Variants in CCNY observed in about 807,000 individuals in gnomAD.
CCNY encodes cyclin Y.
CCNY carries 19 observed loss-of-function variants against 42.8 expected under a neutral mutation model. The ratio of observed to expected loss-of-function variants is 0.44; its 90% CI spans 0.31 to 0.65. The LOEUF (loss-of-function observed/expected upper bound fraction) is 0.65, where lower values mean the gene tolerates loss of function less well. Ranked by LOEUF, CCNY falls within the 30% of genes least tolerant of loss-of-function variation. The probability of loss-of-function intolerance (pLI) is 0.07; values close to 1 mark genes in which losing one functional copy is unlikely to be tolerated. For missense variants in CCNY, 370 were observed against 437.3 expected, an observed-to-expected ratio of 0.85 and a Z score of 1.37; for synonymous variants, 165 against 162.7, an observed-to-expected ratio of 1.01 and a Z score of -0.11.
chr10:35,475,593 G>C (rs1589145191), intron 1 of CCNY, among the ~76,000 whole-genome samples: 1 of 149,492 alleles, frequency 6.7e-6, no homozygotes, highest in African/African-American at 2.5e-5. Flanking sequence ...AATGCTGAGA[G>C]ATTTTGTCAC....
chr10:35,378,892 G>A (rs1324315049), intron 1 of CCNY, among the ~76,000 whole-genome samples: 1 of 152,150 alleles, frequency 6.6e-6, no homozygotes, highest in Non-Finnish European at 1.5e-5. Flanking sequence ...AACTTATGCT[G>A]GTTTGTTTGC....
intron 1 of CCNY, among the ~76,000 whole-genome samples, chr10:35,436,658 A>C (rs1445184374): frequency 6.6e-6 from 1 of 152,204 alleles, no homozygotes; most frequent in Non-Finnish European, 1.5e-5. Flanking sequence ...GAGATCCTTA[A>C]ATACGTTACC....
chr10:35,281,113 A>G (rs1194404198), intron 3 of CCNY, among the ~76,000 whole-genome samples: 1 of 152,046 alleles, frequency 6.6e-6, no homozygotes, highest in Non-Finnish European at 1.5e-5. Context: ...GAATGTGGAG[A>G]AATTGGAACC....
chr10:35,421,961 A>G (rs1277240483), intron 1 of CCNY, among the ~76,000 whole-genome samples: 1 of 152,152 alleles, frequency 6.6e-6, no homozygotes, highest in Non-Finnish European at 1.5e-5. Context: ...CAGAGGGGAA[A>G]CTGAAGCACA....
intron 3 of CCNY, among the ~76,000 whole-genome samples, chr10:35,513,321 ACT>A (rs767194888): frequency 6.6e-6 from 1 of 152,144 alleles, no homozygotes; most frequent in Admixed American, 6.5e-5. Flanking sequence ...TTCGTGGTTA[ACT>A]CTGTAGTATC....
At chr10:35,346,629 A>G (rs1160615989) in intron 1 of CCNY, among the ~76,000 whole-genome samples, 1 of 152,074 alleles carries the variant, frequency 6.6e-6, no homozygotes, top group Non-Finnish European at 1.5e-5. Flanking sequence ...CATTCTATAC[A>G]TTAGGTTTTA....
intron 1 of CCNY, among the ~76,000 whole-genome samples, chr10:35,412,859 TCAAAAAA>T (rs1231111748): frequency 5.1e-5 from 2 of 38,866 alleles, no homozygotes; most frequent in East Asian, 1.1e-3. Context: ...AGACTCTGTC[TCAAAAAA>T]AAAAAAAAAA....
intron 3 of CCNY, among the ~76,000 whole-genome samples, chr10:35,299,559 T>C (rs1835509216): frequency 6.6e-6 from 1 of 152,212 alleles, no homozygotes; most frequent in Admixed American, 6.5e-5. Context: ...TAAAGTGTGT[T>C]TTGCCAGAAA....
intron 9 of CCNY, among the ~76,000 whole-genome samples, chr10:35,567,472 C>T (rs1473385923): frequency 6.6e-6 from 1 of 152,204 alleles, no homozygotes; most frequent in Non-Finnish European, 1.5e-5. Flanking sequence ...TCCTCTGCAC[C>T]TTTTTTCCCA....
intron 3 of CCNY, among the ~76,000 whole-genome samples, chr10:35,329,830 T>C (rs1262453343): frequency 1.3e-5 from 2 of 152,164 alleles, no homozygotes; most frequent in African/African-American, 2.4e-5. Flanking sequence ...GCTGGGTTTT[T>C]AGTTAAAAAC....
chr10:35,530,043 G>C lies in CCNY; in HGVS notation c.459+13G>C, dbSNP rs201758272. On this transcript the variant is annotated intron_variant, in intron 6 of 9. Transcript: ENST00000374704. The surrounding 1 kb of genome is among the most constrained non-coding windows in gnomAD (Gnocchi z 4.3). Reference sequence around the variant, plus strand: ...TCACCCTCTTTCGGTAATCTCCTCCGTGTGTTTCATGAGATGATTTAATTA... The same window carrying C: ...TCACCCTCTTTCGGTAATCTCCTCCCTGTGTTTCATGAGATGATTTAATTA... 3 of 1,613,852 alleles carry C rather than the reference G, an allele frequency of 1.9e-6. No homozygotes were observed. Among genetic ancestry groups the C allele is most frequent in the Admixed American group, 1.7e-5 (1 of 59,992 alleles).
At chr10:35,362,888 C>T (rs1187092536) in intron 1 of CCNY, among the ~76,000 whole-genome samples, 2 of 150,570 alleles carry the variant, frequency 1.3e-5, no homozygotes, top group East Asian at 2.0e-4. Context: ...AGAGGTACTC[C>T]TTGCTTCCCA....
intron 3 of CCNY, among the ~76,000 whole-genome samples, chr10:35,510,076 C>G (rs574731733): frequency 2.6e-5 from 4 of 152,088 alleles, no homozygotes; most frequent in Non-Finnish European, 5.9e-5. Context: ...CAAAACCTGC[C>G]TCCTCTATCA....
chr10:35,362,293 A>T (rs535922542), intron 1 of CCNY, among the ~76,000 whole-genome samples: 1 of 152,384 alleles, frequency 6.6e-6, no homozygotes, highest in Admixed American at 6.5e-5. Context: ...TAAGATGTGC[A>T]AGGTGGAACA....
In CCNY at chr10:35,494,238, C is replaced by CCG. The variant is rs1554794893; in HGVS notation, c.230-7262_230-7261insGC. On this transcript the variant is annotated intron_variant, in intron 2 of 9. Coordinates refer to ENST00000374704, the MANE Select transcript of CCNY (RefSeq NM_145012.6). ...CAGCCTGGACAGCATAGTGAGACCC[C>CCG]CCCCCCCATTTCTACAAAAAAATAA... is the stretch of plus-strand genomic sequence containing the variant. 4.3e-5 allele frequency among the ~76,000 whole-genome samples: 6 copies of CCG among 141,020 alleles called. 1 individual carries two copies. Among genetic ancestry groups the CCG allele is most frequent in the Non-Finnish European group, 9.4e-5 (6 of 63,980 alleles). 92.5% of individuals were successfully genotyped at this position (141,020 alleles called of 152,430 possible). A position where few individuals can be genotyped will look rare whatever the true frequency, so the allele number is the denominator to read the frequency against.
At chr10:35,526,672 T>TG (rs1399819370) in intron 5 of CCNY, among the ~76,000 whole-genome samples, 1 of 150,560 alleles carries the variant, frequency 6.6e-6, no homozygotes, top group African/African-American at 2.4e-5. Context: ...TTTCCAAGTT[T>TG]TTTTTTTTTT....
chr10:35,407,201 T>C (rs1240633655), intron 1 of CCNY, among the ~76,000 whole-genome samples: 2 of 152,028 alleles, frequency 1.3e-5, no homozygotes, highest in Admixed American at 6.5e-5. Flanking sequence ...GGGCTAGTCA[T>C]GGAACGAAAC....
chr10:35,567,688 G>A (rs1329851218), intron 9 of CCNY, among the ~76,000 whole-genome samples: 1 of 152,192 alleles, frequency 6.6e-6, no homozygotes, highest in Non-Finnish European at 1.5e-5. Flanking sequence ...TGGATTACAC[G>A]CTTAAGAAAG....
chr10:35,330,138 G>A (rs989579647), intron 3 of CCNY, among the ~76,000 whole-genome samples: 2 of 152,156 alleles, frequency 1.3e-5, no homozygotes, highest in South Asian at 4.1e-4. Context: ...TGGCTCGAGG[G>A]AGACACTCAA....
Sources: allele counts gnomAD v4.1 joint callset (sites outside exome capture counted in the v4.1 genomes callset), GRCh38; gene constraint gnomAD v4.1.1; non-coding constraint Gnocchi (gnomAD v3.1); transcripts MANE v1.5; gene names NCBI Gene and HGNC (gene_info 2026-07-23, HGNC 2026-07-21).